The following SUPT3H variants were observed in gnomAD, a reference collection of about 807,000 sequenced individuals.
SUPT3H encodes SPT3 homolog, SAGA and STAGA complex component.
Under a neutral mutation model 44.3 loss-of-function variants are expected in SUPT3H, and 44 were observed. The observed-to-expected ratio is 0.99, with a 90% CI of 0.78 to 1.28. The LOEUF is 1.28. SUPT3H is among the 50% of genes most tolerant of loss of function. The probability of loss-of-function intolerance (pLI) is 0.00; values close to 1 mark genes in which losing one functional copy is unlikely to be tolerated. For missense variants in SUPT3H, 380 were observed against 387.1 expected (o/e 0.98, Z 0.15); for synonymous variants, 124 against 125.6 (o/e 0.99, Z 0.09).
chr6:45,362,751 C>T (rs879686663), intron 2 of SUPT3H, among the ~76,000 whole-genome samples: 1 of 152,086 alleles, frequency 6.6e-6, no homozygotes, highest in Non-Finnish European at 1.5e-5. Context: ...ATAACTTTTG[C>T]ATTCCGAATT....
chr6:45,316,191 G>A (rs925587258), intron 2 of SUPT3H, among the ~76,000 whole-genome samples: 1 of 152,132 alleles, frequency 6.6e-6, no homozygotes, highest in Non-Finnish European at 1.5e-5. Flanking sequence ...TGGGAGTGAA[G>A]TGGGGGATAA....
At chr6:45,231,191 T>C (rs1441899414) in intron 2 of SUPT3H, among the ~76,000 whole-genome samples, 1 of 152,224 alleles carries the variant, frequency 6.6e-6, no homozygotes, top group Non-Finnish European at 1.5e-5. Context: ...GTGAGTTTTA[T>C]ACTTTCAAGT....
intron 6 of SUPT3H, among the ~76,000 whole-genome samples, chr6:44,984,604 T>C (rs1779526143): frequency 6.6e-6 from 1 of 152,204 alleles, no homozygotes; most frequent in Non-Finnish European, 1.5e-5. Context: ...ATCCATGATC[T>C]CTGTATAGTC....
intron 5 of SUPT3H, among the ~76,000 whole-genome samples, chr6:45,006,364 T>G (rs1782716248): frequency 6.6e-6 from 1 of 152,060 alleles, no homozygotes; most frequent in South Asian, 2.1e-4. Flanking sequence ...TTCTTGTTTT[T>G]TCCTTTTCCT....
chr6:45,230,090 T>C (rs914214214), intron 2 of SUPT3H, among the ~76,000 whole-genome samples: 1 of 152,194 alleles, frequency 6.6e-6, no homozygotes, highest in Non-Finnish European at 1.5e-5. Context: ...GTATTTGTCT[T>C]TCTGTATCTG....
intron 10 of SUPT3H, among the ~76,000 whole-genome samples, chr6:44,881,147 T>C (rs1778154726): frequency 1.3e-5 from 2 of 151,990 alleles, no homozygotes; most frequent in South Asian, 2.1e-4. Context: ...AGGAGACCCA[T>C]CTCATGTGCA....
At chr6:45,158,336 G>C (rs1808357576) in intron 2 of SUPT3H, among the ~76,000 whole-genome samples, 1 of 110,570 alleles carries the variant, frequency 9.0e-6, no homozygotes, top group Non-Finnish European at 1.7e-5. Flanking sequence ...GTCTCACTAT[G>C]TCACCCAAGC....
rs1807850489 is a variant in SUPT3H at position 45,156,576 on chromosome 6, A to G, written c.102-50570T>C. Among the ~76,000 whole-genome samples, 3 of 151,550 alleles carry G rather than the reference A, an allele frequency of 2.0e-5. No homozygotes were observed. The South Asian group carries it at 6.2e-4, about 31-fold the overall frequency. On this transcript the variant is annotated intron_variant, in intron 2 of 10. Transcript: ENST00000371459. ...CTGTTCTAATACTAATATAATTAATATAATTTCAATAAATTTCTGGAATCT... is the reference window on the plus strand; with the variant it reads ...CTGTTCTAATACTAATATAATTAATGTAATTTCAATAAATTTCTGGAATCT...
At chr6:45,150,714 T>C (rs1320546141) in intron 2 of SUPT3H, among the ~76,000 whole-genome samples, 2 of 141,362 alleles carry the variant, frequency 1.4e-5, no homozygotes, top group African/African-American at 5.3e-5. Context: ...ATAATCTTTA[T>C]TCTGCGTTTT....
intron 2 of SUPT3H, among the ~76,000 whole-genome samples, chr6:45,161,782 A>G (rs1809019839): frequency 6.6e-6 from 1 of 152,176 alleles, no homozygotes; most frequent in Admixed American, 6.6e-5. Flanking sequence ...GAATTTTTTC[A>G]GCATCACACA....
intron 2 of SUPT3H, among the ~76,000 whole-genome samples, chr6:45,352,962 G>C (rs1162243032): frequency 1.3e-5 from 2 of 152,034 alleles, no homozygotes; most frequent in Admixed American, 1.3e-4. Flanking sequence ...TAGTTTGGCT[G>C]ATTTTTACAT....
At chr6:44,876,667 TA>T (rs937821310) in intron 10 of SUPT3H, among the ~76,000 whole-genome samples, 29 of 146,112 alleles carry the variant, frequency 2.0e-4, no homozygotes, top group Non-Finnish European at 1.5e-4. Flanking sequence ...AAAAAAAAAT[TA>T]AAAAAAAAAT....
intron 2 of SUPT3H, among the ~76,000 whole-genome samples, chr6:45,250,372 AT>A (rs371496905): frequency 0.013 from 1,236 of 92,078 alleles, 25 homozygotes; most frequent in African/African-American, 0.034. Context: ...CAATAAAAAA[AT>A]AAAACAATAA....
intron 6 of SUPT3H, 33 bp downstream of exon 6, chr6:45,003,620 C>A: frequency 6.2e-7 from 1 of 1,606,962 alleles, no homozygotes; most frequent in South Asian, 1.1e-5. Flanking sequence ...AATGATTGTT[C>A]TATTTCTGTA....
Position 45,003,788 on chromosome 6 carries a change from T to A in SUPT3H, c.369A>T (p.Lys123Asn). The A allele has an allele frequency of 3.7e-6, 6 of 1,613,584 alleles. No individual in the cohort carries two copies. Among genetic ancestry groups the A allele is most frequent in the Non-Finnish European group, 5.1e-6 (6 of 1,179,734 alleles). ...GIDEDDLLED[K>N]LSGSNNANKR... The stretch of plus-strand genomic sequence containing the variant: ...TGTTCGCATTATTGCTGCCACTCAA[T>A]TTGTCTTCATGAAGTCAAGGGAAAG... Residue 123 changes from lysine (K) to asparagine (N), a missense_variant, in exon 6 of 11, where the codon AAA (lysine) becomes AAT (asparagine). Physicochemically the swap from Lys to Asn is moderately conservative, Grantham distance 94 (BLOSUM62 0). Coordinates refer to ENST00000371459, the MANE Select transcript of SUPT3H (RefSeq NM_003599.4).
intron 3 of SUPT3H, among the ~76,000 whole-genome samples, chr6:45,082,546 A>G (rs1409873760): frequency 1.3e-5 from 2 of 152,212 alleles, no homozygotes; most frequent in African/African-American, 2.4e-5. Context: ...AACAAAAACC[A>G]TATGAGTATC....
chr6:45,281,785 G>GCCTC (rs1236476951), intron 2 of SUPT3H, among the ~76,000 whole-genome samples: 1 of 152,194 alleles, frequency 6.6e-6, no homozygotes, highest in Non-Finnish European at 1.5e-5. Flanking sequence ...CAGACAGACT[G>GCCTC]CCTCCTCAAG....
At chr6:45,117,495 C>G (rs763320457) in intron 2 of SUPT3H, among the ~76,000 whole-genome samples, 5 of 152,032 alleles carry the variant, frequency 3.3e-5, no homozygotes, top group Non-Finnish European at 7.4e-5. Flanking sequence ...TCAAGTTCAT[C>G]AGGGTATAAT....
At chr6:44,894,362 C>T (rs946559271) in intron 10 of SUPT3H, among the ~76,000 whole-genome samples, 9 of 152,234 alleles carry the variant, frequency 5.9e-5, no homozygotes, top group East Asian at 1.9e-4. Flanking sequence ...TTAGGTCTCA[C>T]GTTTAAGTCT....
Sources: allele counts gnomAD v4.1 joint callset (sites outside exome capture counted in the v4.1 genomes callset), GRCh38; gene constraint gnomAD v4.1.1; transcripts MANE v1.5; gene names NCBI Gene and HGNC (gene_info 2026-07-23, HGNC 2026-07-21).